Variants in RAD54L observed in about 807,000 individuals in gnomAD.
RAD54L encodes the protein RAD54 like.
RAD54L carries 74 observed loss-of-function variants against 91.6 expected under a neutral mutation model. That is an observed-to-expected ratio of 0.81 (90% CI 0.67 to 0.98). The LOEUF (loss-of-function observed/expected upper bound fraction) is 0.98, where lower values mean the gene tolerates loss of function less well. Among genes scored for constraint, RAD54L ranks in the 50% least tolerant of loss-of-function variants. The pLI, the probability that RAD54L is intolerant of heterozygous loss-of-function variation, is 0.00. For missense variants in RAD54L, 887 were observed against 945.7 expected (o/e 0.94, Z 0.81); for synonymous variants, 304 against 349.7 (o/e 0.87, Z 1.46).
intron 15 of RAD54L, 86 bp downstream of exon 15, chr1:46,274,302 A>T: frequency 8.5e-7 from 1 of 1,182,012 alleles, no homozygotes; most frequent in East Asian, 2.6e-5. Flanking sequence ...GGTTACCTTG[A>T]TTTTTTTTTT....
rs921985762 is a variant in RAD54L at position 46,248,242 on chromosome 1, C to G, written c.-164C>G. ...ACAGTTTGGTTCCAAACACCAGTTCCTGGATGGATTCCCGCCATCCATGCC... is the reference window on the plus strand; with the variant it reads ...ACAGTTTGGTTCCAAACACCAGTTCGTGGATGGATTCCCGCCATCCATGCC... On this transcript the variant is annotated 5_prime_UTR_variant, in exon 1 of 18. Coordinates refer to ENST00000371975, the MANE Select transcript of RAD54L (RefSeq NM_003579.4). 31 of 908,586 alleles carry G rather than the reference C, an allele frequency of 3.4e-5. No homozygotes were observed. In the African/African-American group the frequency reaches 4.9e-4, roughly 14 times the overall value. 56.3% of individuals were successfully genotyped at this position (908,586 alleles called of 1,614,324 possible).
At chr1:46,252,262 T>C (rs1571712246) in intron 3 of RAD54L, among the ~76,000 whole-genome samples, 1 of 151,502 alleles carries the variant, frequency 6.6e-6, no homozygotes. Flanking sequence ...TGGCTAAGAG[T>C]GGAAGGCCTT....
rs1557702190 is a variant in RAD54L at position 46,261,318 on chromosome 1, A to G, written c.824A>G (p.Tyr275Cys). ...TCTTCTCCCATCCTCATCATTTCCT[A>G]TGAGACCTTCCGCCTTCATGTTGGA... is the stretch of plus-strand genomic sequence containing the variant. ...RVSSPILIIS[Y>C]ETFRLHVGVL... Residue 275 changes from tyrosine to cysteine, a missense_variant, in exon 8 of 18, where the codon TAT becomes TGT. Tyr to Cys is a radical substitution (Grantham distance 194). Coordinates refer to ENST00000371975, the MANE Select transcript of RAD54L (RefSeq NM_003579.4). 3.7e-6 allele frequency: 6 copies of G among 1,612,664 alleles called. No homozygotes were observed. The highest frequency in any genetic ancestry group is 1.1e-5 in the South Asian group (1 of 91,052).
In RAD54L at chr1:46,272,460, C is replaced by T; in HGVS notation, c.1170-6C>T. ...GCCTCTTGCCTTTTTATCCTGTTTT[C>T]TCTAGATGCCTGATACGGAGGACTT... On this transcript the variant is annotated splice_region_variant and splice_polypyrimidine_tract_variant and intron_variant, in intron 10 of 17. Transcript: ENST00000371975. The T allele has an allele frequency of 6.2e-7, 1 of 1,602,290 alleles. No individual in the cohort carries two copies.
chr1:46,256,456 A>G (rs1275199901), intron 3 of RAD54L, among the ~76,000 whole-genome samples: 1 of 152,172 alleles, frequency 6.6e-6, no homozygotes, highest in African/African-American at 2.4e-5. Context: ...TAAAAATAGT[A>G]AAGGCTGGGC....
Position 46,260,819 on chromosome 1 carries a change from G to A in RAD54L, c.570G>A (p.Thr190=), listed in dbSNP as rs1275985270. 1.2e-6 allele frequency: 2 copies of A among 1,614,248 alleles called. No homozygotes were observed. The highest frequency in any genetic ancestry group is 8.5e-7 in the Non-Finnish European group (1 of 1,180,052). ...IMADEMGLGK[T]LQCITLMWTL... is the part of the protein sequence containing the mutation. ...CTGATGAGATGGGCCTAGGAAAGACGCTGCAGTGCATCACATTGATGTGGA... is the reference window on the plus strand; with the variant it reads ...CTGATGAGATGGGCCTAGGAAAGACACTGCAGTGCATCACATTGATGTGGA... Residue 190 remains threonine (T), a synonymous_variant, in exon 7 of 18, where the codon ACG becomes ACA. Transcript: ENST00000371975.
chr1:46,259,855 G>A (rs1218197230), intron 4 of RAD54L, 109 bp from the exon 5 acceptor site: 1 of 1,412,296 alleles, frequency 7.1e-7, no homozygotes, highest in Non-Finnish European at 1.0e-6. Context: ...CAGAGAGAGA[G>A]GGTCATATGG....
At chr1:46,250,335 A>G (rs1659763772) in intron 3 of RAD54L, among the ~76,000 whole-genome samples, 1 of 152,224 alleles carries the variant, frequency 6.6e-6, no homozygotes, top group Non-Finnish European at 1.5e-5. Flanking sequence ...ACCAGATATC[A>G]GATGGTTCAG....
In RAD54L at chr1:46,277,891, G is replaced by C. The variant is rs770776928; in HGVS notation, c.1944G>C (p.Glu648Asp). ...CACTGAGCAGCTGTGTGGTGGATGA[G>C]GAGCAGGATGTAGAGCGCCACTTCT... ...KKALSSCVVD[E>D]EQDVERHFSL... Residue 648 changes from glutamate to aspartate, a missense_variant, in exon 17 of 18, where the codon GAG becomes GAC. Glu to Asp is a conservative substitution (Grantham distance 45, BLOSUM62 2). Coordinates refer to ENST00000371975, the MANE Select transcript of RAD54L (RefSeq NM_003579.4). The C allele has an allele frequency of 7.4e-6, 12 of 1,613,964 alleles. No individual in the cohort carries two copies. In the African/African-American group the frequency reaches 1.6e-4, roughly 22 times the overall value.
intron 7 of RAD54L, 44 bp from the exon 8 acceptor site, chr1:46,261,217 T>TC (rs758943640): frequency 6.8e-6 from 11 of 1,607,100 alleles, no homozygotes; most frequent in African/African-American, 1.4e-5. Flanking sequence ...TTTTTTTTTT[T>TC]CAAAAGATTC....
intron 9 of RAD54L, among the ~76,000 whole-genome samples, chr1:46,269,197 A>G (rs1423037304): frequency 6.7e-6 from 1 of 149,912 alleles, no homozygotes; most frequent in African/African-American, 2.5e-5. Context: ...CTATTTATGG[A>G]CTCTATTCTG....
At position 46,270,788 on chromosome 1, in the gene RAD54L, A is replaced by C. The variant is rs202109214; in HGVS notation, c.1169+3A>C. On this transcript the variant is annotated splice_donor_region_variant and intron_variant, in intron 10 of 17. Transcript: ENST00000371975. ...GAGCTCACCAGCATTGTGAATAGGT[A>C]ATGACCTTAAGCGAAGTCATTAGAA... is the stretch of plus-strand genomic sequence containing the variant. 3 of 1,613,998 alleles carry C rather than the reference A, an allele frequency of 1.9e-6. No individual in the cohort carries two copies. The Admixed American group carries it at 5.0e-5, about 27-fold the overall frequency.
At chr1:46,255,081 G>A (rs905754757) in intron 3 of RAD54L, among the ~76,000 whole-genome samples, 15 of 152,196 alleles carry the variant, frequency 9.9e-5, no homozygotes, top group Non-Finnish European at 1.9e-4. Context: ...TAGGCCATTC[G>A]TGATCTTGGC....
Position 46,248,519 on chromosome 1 carries a change from G to T in RAD54L, c.11G>T (p.Ser4Ile), listed in dbSNP as rs1310480172. 1 of 1,614,176 alleles carries T rather than the reference G, an allele frequency of 6.2e-7. No individual in the cohort carries two copies. Among genetic ancestry groups the T allele is most frequent in the Admixed American group, 1.7e-5 (1 of 60,024 alleles). The change falls in exon 2 of 18, where the codon AGC becomes ATC. Residue 4 changes from serine to isoleucine, a missense_variant. Physicochemically the swap from Ser to Ile is moderately radical, Grantham distance 142. Coordinates refer to ENST00000371975, the MANE Select transcript of RAD54L (RefSeq NM_003579.4). ...TCTGTTCTCCCTTTACAGAGGAGGA[G>T]CTTGGCTCCCAGCCAGCTGGCCAAG... is the stretch of plus-strand genomic sequence containing the variant. MRRSLAPSQLAKRK... is the reference protein window; with the variant it reads MRRILAPSQLAKRK...
intron 3 of RAD54L, among the ~76,000 whole-genome samples, chr1:46,257,696 C>G (rs1463370707): frequency 6.6e-6 from 1 of 152,202 alleles, no homozygotes; most frequent in Non-Finnish European, 1.5e-5. Flanking sequence ...TAGCTTCTCT[C>G]TCATGTCCCT....
rs752300139 is a variant in RAD54L, at chr1:46,277,996, A to G, written c.2033+16A>G. On this transcript the variant is annotated intron_variant, in intron 17 of 17. Transcript: ENST00000371975. The stretch of plus-strand genomic sequence containing the variant: ...CACATGACAGGTGGGGAAGTGCCCT[A>G]ACCATTATCTCTAAGCTACCCACAC... The G allele has an allele frequency of 6.2e-7, 1 of 1,614,168 alleles. No individual in the cohort carries two copies. The highest frequency in any genetic ancestry group is 2.2e-5 in the East Asian group (1 of 44,890).
intron 4 of RAD54L, among the ~76,000 whole-genome samples, chr1:46,259,034 T>C (rs957866539): frequency 1.3e-5 from 2 of 152,170 alleles, no homozygotes; most frequent in Non-Finnish European, 2.9e-5. Flanking sequence ...TCAATCCAAG[T>C]GCATTCAGTA....
At chr1:46,275,915 T>C (rs1660580570) in intron 16 of RAD54L, among the ~76,000 whole-genome samples, 1 of 151,732 alleles carries the variant, frequency 6.6e-6, no homozygotes, top group Non-Finnish European at 1.5e-5. Context: ...GCTAGGATTG[T>C]GCCACTCTAG....
chr1:46,261,105 A>AT, intron 7 of RAD54L, 90 bp downstream of exon 7: 1 of 1,549,108 alleles, frequency 6.5e-7, no homozygotes, highest in African/African-American at 1.4e-5. Flanking sequence ...GGTGGAGGGC[A>AT]ATGCAGGGGT....
Sources: gnomAD v4.1 joint callset for allele counts (sites outside exome capture counted in the v4.1 genomes callset) on GRCh38, gnomAD v4.1.1 for gene constraint, MANE v1.5 for transcripts, NCBI Gene and HGNC (gene_info 2026-07-23, HGNC 2026-07-21) for gene names.